The following CNTNAP2 variants were observed in gnomAD, a reference collection of about 807,000 sequenced individuals.
The protein encoded by CNTNAP2 is contactin-associated protein-like 2.
In CNTNAP2, 98 loss-of-function variants were observed where a neutral mutation model predicts 155.2. The observed-to-expected ratio is 0.63, with a 90% confidence interval of 0.54 to 0.75. The LOEUF (loss-of-function observed/expected upper bound fraction) is 0.75. CNTNAP2 is among the 30% of genes least tolerant of loss of function. The pLI, the probability that CNTNAP2 is intolerant of heterozygous loss-of-function variation, is 0.00. For synonymous variants in CNTNAP2, 651 were observed against 631.2 expected, an observed-to-expected ratio of 1.03 and a Z score of -0.47; for missense variants, 1,727 against 1,688.1, an observed-to-expected ratio of 1.02 and a Z score of -0.40.
chr7:148,185,393 A>G (rs1362803278), intron 18 of CNTNAP2, among the ~76,000 whole-genome samples: 1 of 152,240 alleles, frequency 6.6e-6, no homozygotes, highest in Non-Finnish European at 1.5e-5. Flanking sequence ...TGTTATTGAG[A>G]TCGTTAGCAA....
At chr7:146,575,781 A>G (rs1798515183) in intron 1 of CNTNAP2, among the ~76,000 whole-genome samples, 1 of 152,208 alleles carries the variant, frequency 6.6e-6, no homozygotes, top group Non-Finnish European at 1.5e-5. Flanking sequence ...AAATATAAGA[A>G]TGCAACTTCC....
intron 1 of CNTNAP2, among the ~76,000 whole-genome samples, chr7:146,496,403 T>G (rs778264984): frequency 6.6e-6 from 1 of 152,234 alleles, no homozygotes; most frequent in Admixed American, 6.5e-5. Context: ...TAGCAAATGA[T>G]GATAAATACA....
intron 3 of CNTNAP2, among the ~76,000 whole-genome samples, chr7:146,934,465 G>A (rs1301826870): frequency 1.4e-5 from 2 of 141,152 alleles, no homozygotes; most frequent in Non-Finnish European, 3.1e-5. Context: ...GGGGAAGGGG[G>A]GAGGGAGAGC....
At chr7:146,628,643 AAG>A (rs1344432733) in intron 1 of CNTNAP2, among the ~76,000 whole-genome samples, 1 of 152,236 alleles carries the variant, frequency 6.6e-6, no homozygotes, top group African/African-American at 2.4e-5. Flanking sequence ...AAAATGAAAA[AAG>A]AAAACTATGA....
At chr7:148,089,544 C>T (rs1803798085) in intron 15 of CNTNAP2, among the ~76,000 whole-genome samples, 1 of 151,674 alleles carries the variant, frequency 6.6e-6, no homozygotes, top group South Asian at 2.1e-4. Flanking sequence ...AAAACAATTT[C>T]ATTTACAATA....
chr7:147,062,150 A>C lies in CNTNAP2; in HGVS notation c.550+18096A>C, dbSNP rs1410628828. On this transcript the variant is annotated intron_variant, in intron 4 of 23. Coordinates refer to ENST00000361727, the MANE Select transcript of CNTNAP2 (RefSeq NM_014141.6). Reference sequence around the variant, plus strand: ...CTCAAAAAAAAAAAAAAAAAAAAAAAAAAAAAAAAAAAAAAAAAAACCAGT... The same window carrying C: ...CTCAAAAAAAAAAAAAAAAAAAAAACAAAAAAAAAAAAAAAAAAAACCAGT... Among the ~76,000 whole-genome samples, 39 of 119,018 alleles carry C rather than the reference A, an allele frequency of 3.3e-4. 1 individual carries two copies. The highest frequency in any genetic ancestry group is 6.4e-4 in the Non-Finnish European group (32 of 49,792). The allele number at this position is 119,018 out of a possible 152,430, so 78.1% of individuals were successfully genotyped here. A position where few individuals can be genotyped will look rare whatever the true frequency, so the allele number is the denominator to read the frequency against.
intron 21 of CNTNAP2, among the ~76,000 whole-genome samples, chr7:148,347,797 TG>T (rs1798352848): frequency 6.6e-6 from 1 of 152,192 alleles, no homozygotes; most frequent in South Asian, 2.1e-4. Flanking sequence ...TTGTTGGTGG[TG>T]GGCGATGGAT....
chr7:147,166,232 G>A (rs1376425732), intron 8 of CNTNAP2, among the ~76,000 whole-genome samples: 2 of 152,100 alleles, frequency 1.3e-5, no homozygotes, highest in African/African-American at 2.4e-5. Flanking sequence ...TTAATTAATG[G>A]CACTCACAGC....
intron 4 of CNTNAP2, among the ~76,000 whole-genome samples, chr7:147,073,103 C>T (rs1301806935): frequency 2.8e-5 from 4 of 143,260 alleles, no homozygotes; most frequent in African/African-American, 5.3e-5. Flanking sequence ...CCACCCGCCT[C>T]GGCCTCCCAA....
intron 9 of CNTNAP2, among the ~76,000 whole-genome samples, chr7:147,350,381 T>C (rs1177713316): frequency 6.6e-6 from 1 of 151,888 alleles, no homozygotes; most frequent in Non-Finnish European, 1.5e-5. Context: ...GCCCAAGTAA[T>C]ACCCCTCTAA....
At chr7:146,498,761 G>A (rs1467233188) in intron 1 of CNTNAP2, among the ~76,000 whole-genome samples, 2 of 151,840 alleles carry the variant, frequency 1.3e-5, no homozygotes, top group Non-Finnish European at 2.9e-5. Flanking sequence ...TTCTGGAGAG[G>A]AGAACTAATT....
intron 11 of CNTNAP2, among the ~76,000 whole-genome samples, chr7:147,524,947 A>G (rs77210717): frequency 0.019 from 2,923 of 152,308 alleles, 41 homozygotes; most frequent in Non-Finnish European, 0.028. Flanking sequence ...GCACTTACAC[A>G]TGGGTGAAAC....
chr7:148,064,513 A>C (rs558791883), intron 15 of CNTNAP2, among the ~76,000 whole-genome samples: 57 of 152,114 alleles, frequency 3.7e-4, no homozygotes, highest in African/African-American at 1.3e-3. Context: ...GTATACCTAG[A>C]AAACCCTAAA....
intron 16 of CNTNAP2, among the ~76,000 whole-genome samples, chr7:148,128,414 C>T (rs1277199867): frequency 2.6e-5 from 4 of 152,142 alleles, no homozygotes. Flanking sequence ...AAAAGAAATT[C>T]TCTAACTTCT....
intron 15 of CNTNAP2, among the ~76,000 whole-genome samples, chr7:148,053,833 T>C (rs897733997): frequency 6.6e-6 from 1 of 152,170 alleles, no homozygotes; most frequent in Admixed American, 6.5e-5. Context: ...TTTAAAATAA[T>C]GAAGGCTAAA....
chr7:148,054,264 G>A (rs1386135709), intron 15 of CNTNAP2, among the ~76,000 whole-genome samples: 8 of 152,052 alleles, frequency 5.3e-5, no homozygotes, highest in South Asian at 2.1e-4. Flanking sequence ...GAGCCACTGC[G>A]CCCGGCTAAT....
intron 11 of CNTNAP2, among the ~76,000 whole-genome samples, chr7:147,552,712 G>A (rs147300084): frequency 9.9e-5 from 15 of 151,850 alleles, no homozygotes; most frequent in East Asian, 1.9e-4. Flanking sequence ...AATAAAATAC[G>A]CCTTCTTCCT....
intron 1 of CNTNAP2, among the ~76,000 whole-genome samples, chr7:146,609,272 T>A (rs946695722): frequency 6.6e-6 from 1 of 152,216 alleles, no homozygotes; most frequent in Non-Finnish European, 1.5e-5. Context: ...GTGAGCATTA[T>A]CGGTATTTGC....
chr7:146,200,527 C>A (rs1222575672), intron 1 of CNTNAP2, among the ~76,000 whole-genome samples: 2 of 56,844 alleles, frequency 3.5e-5, no homozygotes, highest in African/African-American at 7.5e-5. Context: ...CACAGACACA[C>A]ACACACACAC....
Sources: allele counts gnomAD v4.1 joint callset (sites outside exome capture counted in the v4.1 genomes callset), GRCh38; gene constraint gnomAD v4.1.1; transcripts MANE v1.5; gene names NCBI Gene and HGNC (gene_info 2026-07-23, HGNC 2026-07-21).